The following DNAAF5 variants were observed in gnomAD, a reference collection of about 807,000 sequenced individuals.
DNAAF5 encodes the protein HEAT repeat containing 2.
DNAAF5 carries 64 observed loss-of-function variants against 75.8 expected under a neutral mutation model. The ratio of observed to expected loss-of-function variants is 0.84; its 90% confidence interval spans 0.69 to 1.04. The LOEUF (loss-of-function observed/expected upper bound fraction) is 1.04. DNAAF5 is among the 50% of genes least tolerant of loss of function. The pLI, the probability that DNAAF5 is intolerant of heterozygous loss-of-function variation, is 0.00. For synonymous variants in DNAAF5, 657 were observed against 557.2 expected (o/e 1.18, Z -2.52); for missense variants, 1,269 against 1,178.5 (o/e 1.08, Z -1.12).
intron 8 of DNAAF5, chr7:768,988 G>T: frequency 1.7e-6 from 1 of 593,042 alleles, no homozygotes; most frequent in South Asian, 2.0e-5. Context: ...CAGCAGCTTC[G>T]GTGCAACGCC....
chr7:757,091 G>C, intron 6 of DNAAF5, 97 bp downstream of exon 6: 1 of 1,205,112 alleles, frequency 8.3e-7, no homozygotes, highest in South Asian at 1.4e-5. Flanking sequence ...GCCCTGTGCC[G>C]CCAGGCTGGG....
chr7:744,235 G>T (rs990823333), intron 4 of DNAAF5, among the ~76,000 whole-genome samples: 2 of 151,624 alleles, frequency 1.3e-5, no homozygotes, highest in African/African-American at 4.8e-5. Context: ...TGATGATTTT[G>T]AATTTCATCC....
Position 770,710 on chromosome 7 carries a change from G to A in DNAAF5, c.1931+92G>A, listed in dbSNP as rs922615105. 5.7e-6 allele frequency: 7 copies of A among 1,238,868 alleles called. No homozygotes were observed. In the African/African-American group the frequency reaches 6.0e-5, roughly 11 times the overall value. 76.7% of individuals were successfully genotyped at this position (1,238,868 alleles called of 1,614,324 possible). ...CCCCAACAGCTCACTGAGCAAGGGGGTTCCCACCTCCTTCCCCAACACTGC... is the reference window on the plus strand; with the variant it reads ...CCCCAACAGCTCACTGAGCAAGGGGATTCCCACCTCCTTCCCCAACACTGC... On this transcript the variant is annotated intron_variant, in intron 9 of 12. Coordinates refer to ENST00000297440, the MANE Select transcript of DNAAF5 (RefSeq NM_017802.4).
intron 8 of DNAAF5, among the ~76,000 whole-genome samples, chr7:767,127 T>C (rs1778328700): frequency 6.6e-6 from 1 of 151,154 alleles, no homozygotes; most frequent in East Asian, 2.0e-4. Flanking sequence ...TGGTCCCAGC[T>C]ACTCGGGAGG....
intron 8 of DNAAF5, among the ~76,000 whole-genome samples, chr7:769,717 G>T (rs2128083410): frequency 6.6e-6 from 1 of 152,340 alleles, no homozygotes. Flanking sequence ...GAGTGCAATA[G>T]TGCGATCTCA....
At chr7:742,854 CATGCCCAGCTCAAATCAG>C (rs1781956849) in intron 4 of DNAAF5, among the ~76,000 whole-genome samples, 1 of 45,360 alleles carries the variant, frequency 2.2e-5, no homozygotes, top group South Asian at 9.0e-4. Flanking sequence ...TCAAATCAAT[CATGCCCAGCTCAAATCAG>C]ATGCCCAGCT....
intron 11 of DNAAF5, among the ~76,000 whole-genome samples, chr7:776,089 C>T (rs533787661): frequency 6.6e-6 from 1 of 152,192 alleles, no homozygotes; most frequent in South Asian, 2.1e-4. Context: ...CCTGTAATCC[C>T]AGCACTTTGG....
intron 9 of DNAAF5, chr7:771,477 G>A (rs34519158): frequency 0.14 from 20,780 of 152,410 alleles, 1,641 homozygotes; most frequent in East Asian, 0.28. Context: ...AAAGCGGAAA[G>A]CAGTTCACAC....
chr7:740,914 T>C lies in DNAAF5; in HGVS notation c.876T>C (p.Ser292=). 1 of 1,613,866 alleles carries C rather than the reference T, an allele frequency of 6.2e-7. No individual in the cohort carries two copies. The highest frequency in any genetic ancestry group is 2.2e-5 in the East Asian group (1 of 44,876). The part of the protein sequence containing the change: ...FFHKLIPLLL[S]SLNDEVPEVR... ...ACAAGCTCATCCCTCTGCTGCTCAG[T>C]AGCCTCAACGACGAGGTGCCTGAGG... is the stretch of plus-strand genomic sequence containing the variant. The change falls in exon 3 of 13, where the codon AGT becomes AGC. Residue 292 remains serine (S), a synonymous_variant. Transcript: ENST00000297440.
At chr7:728,134 G>A (rs1044088659) in intron 1 of DNAAF5, among the ~76,000 whole-genome samples, 1 of 152,102 alleles carries the variant, frequency 6.6e-6, no homozygotes, top group Non-Finnish European at 1.5e-5. Flanking sequence ...TTAGAGCTCT[G>A]ATCTGATCCG....
At chr7:774,499 G>A (rs1211408321) in intron 10 of DNAAF5, among the ~76,000 whole-genome samples, 1 of 152,168 alleles carries the variant, frequency 6.6e-6, no homozygotes, top group African/African-American at 2.4e-5. Context: ...GCCCAATGCT[G>A]GCTGCAAGAC....
chr7:780,305 C>T (rs923849129), intron 12 of DNAAF5, among the ~76,000 whole-genome samples, 161 bp downstream of exon 12: 2 of 152,208 alleles, frequency 1.3e-5, no homozygotes, highest in African/African-American at 2.4e-5. Flanking sequence ...ACCCTGAGAG[C>T]GGCTGTCTTT....
intron 4 of DNAAF5, among the ~76,000 whole-genome samples, chr7:751,152 A>T (rs1022005770): frequency 6.6e-6 from 1 of 152,064 alleles, no homozygotes; most frequent in Non-Finnish European, 1.5e-5. Flanking sequence ...CTGCATTTCA[A>T]AAAAAAACGA....
At position 738,480 on chromosome 7, in the gene DNAAF5, G is replaced by A. The variant is rs370904359; in HGVS notation, c.781-2339G>A. Among the ~76,000 whole-genome samples the A allele has an allele frequency of 1.1e-4, 17 of 152,088 alleles. No individual in the cohort carries two copies. The East Asian group carries it at 3.1e-3, about 28-fold the overall frequency. On this transcript the variant is annotated intron_variant, in intron 2 of 12. Coordinates refer to ENST00000297440, the MANE Select transcript of DNAAF5 (RefSeq NM_017802.4). ...CTGGATGCTCCTGATGCTTGTGGCT[G>A]TTGGTCGATCTTGCTAGGTATTTAC...
At chr7:740,785 T>G (rs1368196558) in intron 2 of DNAAF5, 34 bp from the exon 3 acceptor site, 2 of 1,611,488 alleles carry the variant, frequency 1.2e-6, no homozygotes, top group Admixed American at 3.3e-5. Flanking sequence ...CCCCTTTGCC[T>G]ACACGAATCC....
chr7:728,798 C>T (rs1224454556), intron 1 of DNAAF5, among the ~76,000 whole-genome samples: 2 of 152,112 alleles, frequency 1.3e-5, no homozygotes, highest in African/African-American at 2.4e-5. Context: ...GGAGCATCCC[C>T]TCATCTCCAG....
Position 750,321 on chromosome 7 carries a change from C to T in DNAAF5, c.1025-4268C>T, listed in dbSNP as rs77553511. Among the ~76,000 whole-genome samples, 278 of 152,288 alleles carry T rather than the reference C, an allele frequency of 1.8e-3. 1 individual carries two copies. The South Asian group carries it at 0.019, about 11-fold the overall frequency. ...TAGGCTTGTGTACGTCACTGTAGTA[C>T]GTTCACACGGCAACGAAATCACCCA... On this transcript the variant is annotated intron_variant, in intron 4 of 12. Coordinates refer to ENST00000297440, the MANE Select transcript of DNAAF5 (RefSeq NM_017802.4).
chr7:763,743 C>A, intron 7 of DNAAF5, 63 bp from the exon 8 acceptor site: 1 of 1,551,326 alleles, frequency 6.4e-7, no homozygotes, highest in Admixed American at 1.7e-5. Flanking sequence ...TGAGTCCCAG[C>A]AGGCAGGCAG....
At chr7:774,582 G>A (rs2128084986) in intron 10 of DNAAF5, among the ~76,000 whole-genome samples, 1 of 151,620 alleles carries the variant, frequency 6.6e-6, no homozygotes, top group East Asian at 1.9e-4. Context: ...GAACACCTCC[G>A]GCTGGTACCA....
Sources: gnomAD v4.1 joint callset for allele counts (sites outside exome capture counted in the v4.1 genomes callset) on GRCh38, gnomAD v4.1.1 for gene constraint, MANE v1.5 for transcripts, NCBI Gene and HGNC (gene_info 2026-07-23, HGNC 2026-07-21) for gene names.